Variants in TMEM132D observed in about 807,000 individuals in gnomAD.
TMEM132D encodes the protein mature OL transmembrane protein.
TMEM132D carries 21 observed loss-of-function variants against 62.3 expected under a neutral mutation model. That is an observed-to-expected ratio of 0.34 (90% CI 0.24 to 0.49). The LOEUF is 0.49. TMEM132D is among the 20% of genes least tolerant of loss of function. The pLI, the probability that TMEM132D is intolerant of heterozygous loss-of-function variation, is 0.99. For missense variants in TMEM132D, 1,346 were observed against 1,402.8 expected (o/e 0.96, Z 0.65); for synonymous variants, 621 against 575.6 (o/e 1.08, Z -1.13).
At chr12:129,509,869 G>A (rs914628677) in intron 3 of TMEM132D, among the ~76,000 whole-genome samples, 4 of 151,972 alleles carry the variant, frequency 2.6e-5, no homozygotes, top group African/African-American at 7.3e-5. Context: ...TCCATTCATC[G>A]CTGATGGACA....
intron 2 of TMEM132D, among the ~76,000 whole-genome samples, chr12:129,552,686 G>A (rs148979846): frequency 5.9e-5 from 9 of 151,602 alleles, no homozygotes; most frequent in African/African-American, 2.2e-4. Context: ...TATCCACCTA[G>A]TATTTATCTG....
At chr12:129,196,717 C>T (rs1380321313) in intron 5 of TMEM132D, among the ~76,000 whole-genome samples, 1 of 152,106 alleles carries the variant, frequency 6.6e-6, no homozygotes, top group Non-Finnish European at 1.5e-5. Context: ...GTTCCCATTT[C>T]TCCAGGAGGT....
At chr12:129,512,681 G>A (rs1158162921) in intron 3 of TMEM132D, among the ~76,000 whole-genome samples, 1 of 152,204 alleles carries the variant, frequency 6.6e-6, no homozygotes, top group African/African-American at 2.4e-5. Context: ...TTTCCAACGA[G>A]GCTCACTTAT....
At chr12:129,156,523 T>C (rs1409781331) in intron 5 of TMEM132D, among the ~76,000 whole-genome samples, 1 of 151,718 alleles carries the variant, frequency 6.6e-6, no homozygotes. Flanking sequence ...CCAAGATAGC[T>C]ATTCCGCTCC....
intron 4 of TMEM132D, among the ~76,000 whole-genome samples, chr12:129,336,535 G>A (rs530017879): frequency 4.5e-4 from 68 of 151,498 alleles, no homozygotes; most frequent in Middle Eastern, 3.4e-3. Flanking sequence ...TCGCACCACC[G>A]CACTCCAGCC....
At chr12:129,639,241 G>A (rs1008228271) in intron 2 of TMEM132D, among the ~76,000 whole-genome samples, 1 of 151,804 alleles carries the variant, frequency 6.6e-6, no homozygotes, top group African/African-American at 2.4e-5. Context: ...AAAATAGCTG[G>A]GCATGGTGGT....
intron 4 of TMEM132D, among the ~76,000 whole-genome samples, chr12:129,240,366 C>G (rs929566764): frequency 6.6e-6 from 1 of 152,142 alleles, no homozygotes; most frequent in Admixed American, 6.5e-5. Flanking sequence ...TATCCCCCCA[C>G]AGTGGCAATT....
At chr12:129,151,882 T>TC (rs1404331671) in intron 5 of TMEM132D, among the ~76,000 whole-genome samples, 1 of 136,816 alleles carries the variant, frequency 7.3e-6, no homozygotes, top group Non-Finnish European at 1.5e-5. Context: ...GATTCAACCT[T>TC]TTTTTTTTTT....
intron 4 of TMEM132D, among the ~76,000 whole-genome samples, chr12:129,268,904 CA>C (rs1406501053): frequency 6.6e-6 from 1 of 151,160 alleles, no homozygotes; most frequent in East Asian, 2.0e-4. Flanking sequence ...GCATTCTCAG[CA>C]AACTATCGCA....
chr12:129,189,477 G>A (rs1878322320), intron 5 of TMEM132D, among the ~76,000 whole-genome samples: 2 of 152,132 alleles, frequency 1.3e-5, no homozygotes, highest in Admixed American at 1.3e-4. Context: ...GGTGAGGAAA[G>A]AGGGCTACCC....
rs908835592 is a variant in TMEM132D, at chr12:129,313,109, G to A, written c.1299+24525C>T. Reference sequence around the variant, plus strand: ...CTTGAAATGCTTACTAGAGAGCCAAGAGGAACTGTTGAACCTGGGGTTCAA... The same window carrying A: ...CTTGAAATGCTTACTAGAGAGCCAAAAGGAACTGTTGAACCTGGGGTTCAA... On this transcript the variant is annotated intron_variant, in intron 4 of 8. Coordinates refer to ENST00000422113, the MANE Select transcript of TMEM132D (RefSeq NM_133448.3). Among the ~76,000 whole-genome samples the A allele has an allele frequency of 2.0e-5, 3 of 152,200 alleles. No individual in the cohort carries two copies. In the South Asian group the frequency reaches 6.2e-4, roughly 32 times the overall value.
intron 4 of TMEM132D, among the ~76,000 whole-genome samples, chr12:129,237,590 T>C (rs539362206): frequency 6.6e-6 from 1 of 152,346 alleles, no homozygotes; most frequent in East Asian, 1.9e-4. Flanking sequence ...ATGTCATTGA[T>C]ATTATGCTTT....
intron 2 of TMEM132D, among the ~76,000 whole-genome samples, chr12:129,654,855 G>A (rs987934883): frequency 5.3e-5 from 8 of 152,180 alleles, no homozygotes; most frequent in African/African-American, 1.9e-4. Flanking sequence ...AACAGAGAGA[G>A]AAACTTCTAA....
At chr12:129,743,763 C>T (rs1026435151) in intron 1 of TMEM132D, among the ~76,000 whole-genome samples, 10 of 152,062 alleles carry the variant, frequency 6.6e-5, no homozygotes, top group Admixed American at 2.0e-4. Flanking sequence ...CTCAAATCAC[C>T]GAGGCCCCTA....
chr12:129,100,924 G>GGCAGGGACTGAAGCTGAGCAGCA (rs1293843730), intron 5 of TMEM132D, among the ~76,000 whole-genome samples: 1 of 152,218 alleles, frequency 6.6e-6, no homozygotes, highest in African/African-American at 2.4e-5. Context: ...GGGGGTCGGT[G>GGCAGGGACTGAAGCTGAGCAGCA]GCAGGGACTG....
chr12:129,319,215 T>C (rs1310807728), intron 4 of TMEM132D, among the ~76,000 whole-genome samples: 1 of 152,186 alleles, frequency 6.6e-6, no homozygotes, highest in African/African-American at 2.4e-5. Flanking sequence ...ACCCTCCCCA[T>C]AGATCCTTGT....
chr12:129,509,082 T>C (rs544580970), intron 3 of TMEM132D, among the ~76,000 whole-genome samples: 6 of 152,186 alleles, frequency 3.9e-5, no homozygotes, highest in African/African-American at 1.2e-4. Flanking sequence ...CTTTGAGCAA[T>C]TGAGCCAATT....
intron 1 of TMEM132D, among the ~76,000 whole-genome samples, chr12:129,716,550 G>C (rs1868580832): frequency 6.6e-6 from 1 of 152,206 alleles, no homozygotes; most frequent in South Asian, 2.1e-4. Context: ...TAATTGACCA[G>C]ATTTCCTAAG....
intron 3 of TMEM132D, among the ~76,000 whole-genome samples, chr12:129,478,761 C>A (rs147497224): frequency 2.1e-3 from 322 of 152,240 alleles, no homozygotes; most frequent in Non-Finnish European, 3.5e-3. Context: ...CCCTTCAAAT[C>A]TGGGAGAGGG....
Sources: gnomAD v4.1 joint callset for allele counts (sites outside exome capture counted in the v4.1 genomes callset) on GRCh38, gnomAD v4.1.1 for gene constraint, MANE v1.5 for transcripts, NCBI Gene and HGNC (gene_info 2026-07-23, HGNC 2026-07-21) for gene names.